Variants in AQP9 observed in about 807,000 individuals in gnomAD.
The protein encoded by AQP9 is aquaporin 9, also known as aquaporin-9.
AQP9 carries 19 observed loss-of-function variants against 23.8 expected under a neutral mutation model. That is an observed-to-expected ratio of 0.80 (90% confidence interval 0.56 to 1.17). The LOEUF (loss-of-function observed/expected upper bound fraction) is 1.17, where lower values mean the gene tolerates loss of function less well. Ranked by LOEUF, AQP9 falls within the 50% of genes most tolerant of loss-of-function variation. AQP9 has a pLI of 0.00. For synonymous variants in AQP9, 153 were observed against 131.5 expected, an observed-to-expected ratio of 1.16 and a Z score of -1.12; for missense variants, 413 against 362.0, an observed-to-expected ratio of 1.14 and a Z score of -1.14.
At chr15:58,157,562 G>A (rs1898289677) in intron 1 of AQP9, among the ~76,000 whole-genome samples, 1 of 152,144 alleles carries the variant, frequency 6.6e-6, no homozygotes, top group South Asian at 2.1e-4. Context: ...TCATCCGTGT[G>A]GAAAAGGCCC....
chr15:58,165,576 C>T (rs1898481610), intron 1 of AQP9, among the ~76,000 whole-genome samples: 1 of 152,184 alleles, frequency 6.6e-6, no homozygotes, highest in Non-Finnish European at 1.5e-5. Context: ...CGTTTTAGCA[C>T]TGCTCTGCAT....
chr15:58,142,931 C>T (rs1462246990), intron 1 of AQP9, among the ~76,000 whole-genome samples: 1 of 152,182 alleles, frequency 6.6e-6, no homozygotes, highest in Non-Finnish European at 1.5e-5. Context: ...TGGATTCTGC[C>T]TGTGGGTGGT....
At chr15:58,179,509 A>ATGTGTGTGTGTGTGTGTGTGTG (rs3052103) in intron 5 of AQP9, among the ~76,000 whole-genome samples, 164 bp downstream of exon 5, 81 of 148,848 alleles carry the variant, frequency 5.4e-4, no homozygotes, top group African/African-American at 2.0e-3. Context: ...TTGTGGTATG[A>ATGTGTGTGTGTGTGTGTGTGTG]TGTGTGTGTG....
At chr15:58,168,645 C>T (rs1898558486) in intron 2 of AQP9, among the ~76,000 whole-genome samples, 1 of 152,154 alleles carries the variant, frequency 6.6e-6, no homozygotes, top group African/African-American at 2.4e-5. Flanking sequence ...ACTTTGCAAC[C>T]TTGACCTCCC....
intron 1 of AQP9, chr15:58,150,334 C>T (rs1426850877): frequency 6.6e-6 from 1 of 152,610 alleles, no homozygotes; most frequent in African/African-American, 2.4e-5. Context: ...ATTCCAAGGC[C>T]CCTTTTACTA....
rs1399598875 is a variant in AQP9, at chr15:58,185,013, A to T, written c.*878A>T. ...ACTGTGCTTGTCCATTATTTTACAC[A>T]TGCCCTAGAAGCCAAAACTGAAAGC... On this transcript the variant is annotated 3_prime_UTR_variant, in exon 6 of 6. Coordinates refer to ENST00000219919, the MANE Select transcript of AQP9 (RefSeq NM_020980.5). 1 of 152,200 alleles carries T rather than the reference A, an allele frequency of 6.6e-6. No homozygotes were observed. Among genetic ancestry groups the T allele is most frequent in the African/African-American group, 2.4e-5 (1 of 41,440 alleles). 9.4% of individuals were successfully genotyped at this position (152,200 alleles called of 1,614,324 possible).
At chr15:58,181,400 T>C (rs1233688118) in intron 5 of AQP9, among the ~76,000 whole-genome samples, 4 of 152,212 alleles carry the variant, frequency 2.6e-5, no homozygotes, top group Non-Finnish European at 5.9e-5. Context: ...CAAGTGCCAT[T>C]AAAGAGATTT....
In AQP9 at chr15:58,161,884, T is replaced by C. The variant is rs146745615; in HGVS notation, c.112-4789T>C. ...AGCAAGCTGAGAATGAGAAATAATA[T>C]GTTCATTTACATTGCCAACAAGTGT... On this transcript the variant is annotated intron_variant, in intron 1 of 5. Coordinates refer to ENST00000219919, the MANE Select transcript of AQP9 (RefSeq NM_020980.5). Among the ~76,000 whole-genome samples the C allele has an allele frequency of 1.5e-3, 224 of 152,274 alleles. 1 individual carries two copies. Among genetic ancestry groups the C allele is most frequent in the Middle Eastern group, 3.4e-3 (1 of 294 alleles).
chr15:58,164,241 C>G (rs575065210), intron 1 of AQP9: 1 of 152,270 alleles, frequency 6.6e-6, no homozygotes, highest in East Asian at 1.9e-4. Context: ...TATGTGCCCT[C>G]TAGACTGGAA....
chr15:58,165,504 A>G (rs1898479638), intron 1 of AQP9, among the ~76,000 whole-genome samples: 1 of 152,152 alleles, frequency 6.6e-6, no homozygotes, highest in South Asian at 2.1e-4. Context: ...TTGTGTATTC[A>G]TGGAGAGAGA....
chr15:58,179,425 C>T, intron 5 of AQP9, 80 bp downstream of exon 5: 1 of 1,328,470 alleles, frequency 7.5e-7, no homozygotes, highest in Non-Finnish European at 1.0e-6. Flanking sequence ...CATGGAGATC[C>T]AGGGAAGTTC....
At chr15:58,171,869 C>A (rs1054910500) in intron 2 of AQP9, among the ~76,000 whole-genome samples, 1 of 139,868 alleles carries the variant, frequency 7.1e-6, no homozygotes, top group African/African-American at 2.5e-5. Flanking sequence ...ATCATCATCA[C>A]CACCATCATC....
intron 1 of AQP9, among the ~76,000 whole-genome samples, chr15:58,140,801 A>AT (rs1194955001): frequency 1.3e-5 from 2 of 151,652 alleles, no homozygotes; most frequent in East Asian, 1.9e-4. Context: ...GTCTGGTTCT[A>AT]TTTTTTTTCC....
At chr15:58,167,579 A>G (rs1369972126) in intron 2 of AQP9, among the ~76,000 whole-genome samples, 1 of 152,136 alleles carries the variant, frequency 6.6e-6, no homozygotes, top group Admixed American at 6.5e-5. Flanking sequence ...TCTCCATTCT[A>G]CAAAGAAATC....
chr15:58,179,352 A>G lies in AQP9; in HGVS notation c.713+7A>G. 2 of 1,607,266 alleles carry G rather than the reference A, an allele frequency of 1.2e-6. No homozygotes were observed. The highest frequency in any genetic ancestry group is 1.7e-6 in the Non-Finnish European group (2 of 1,176,560). The stretch of plus-strand genomic sequence containing the variant: ...GGGGGTTTGAAGTCTTCAGGTAAGT[A>G]ACAGTGGTGGGGAAGAGAGAGACAG... On this transcript the variant is annotated splice_region_variant and intron_variant, in intron 5 of 5. Transcript: ENST00000219919.
chr15:58,149,662 G>A (rs1898112098), intron 1 of AQP9, among the ~76,000 whole-genome samples: 1 of 152,184 alleles, frequency 6.6e-6, no homozygotes, highest in African/African-American at 2.4e-5. Context: ...AGCTGAATAG[G>A]AGGGAATAAA....
intron 2 of AQP9, among the ~76,000 whole-genome samples, chr15:58,169,715 C>T (rs1455969535): frequency 6.6e-6 from 1 of 152,202 alleles, no homozygotes; most frequent in Non-Finnish European, 1.5e-5. Context: ...AAAGAAGTTA[C>T]AGCATCCTGC....
Position 58,166,858 on chromosome 15 carries a change from A to G in AQP9, c.238+59A>G, listed in dbSNP as rs141610651. On this transcript the variant is annotated intron_variant, in intron 2 of 5. Coordinates refer to ENST00000219919, the MANE Select transcript of AQP9 (RefSeq NM_020980.5). ...TTCAGCCACTCCAATGTGCCCGCAC[A>G]GTGCTGGCTGCTTCACATACCTTAA... 3 of 1,551,462 alleles carry G rather than the reference A, an allele frequency of 1.9e-6. No individual in the cohort carries two copies. The African/African-American group carries it at 4.1e-5, about 21-fold the overall frequency.
At position 58,184,104 on chromosome 15, in the gene AQP9, C is replaced by A; in HGVS notation, c.857C>A (p.Pro286Gln). ...VFKTEQSEDKPEKYELSVIM is the reference protein window; with the variant it reads ...VFKTEQSEDKQEKYELSVIM ...AAGACAGAACAATCTGAGGACAAAC[C>A]AGAGAAATATGAACTCAGTGTCATC... Residue 286 changes from proline (P) to glutamine (Q), a missense_variant, in exon 6 of 6, where the codon CCA becomes CAA. Transcript: ENST00000219919. 2 of 1,614,010 alleles carry A rather than the reference C, an allele frequency of 1.2e-6. No individual in the cohort carries two copies.
Sources: allele counts gnomAD v4.1 joint callset (sites outside exome capture counted in the v4.1 genomes callset), GRCh38; gene constraint gnomAD v4.1.1; transcripts MANE v1.5; gene names NCBI Gene and HGNC (gene_info 2026-07-23, HGNC 2026-07-21).